PDGFD: variants seen among roughly 807,000 people sequenced by gnomAD.
PDGFD encodes platelet-derived growth factor D.
Under a neutral mutation model 44.7 loss-of-function variants are expected in PDGFD, and 30 were observed. The observed-to-expected ratio is 0.67, with a 90% CI of 0.50 to 0.91. The LOEUF (loss-of-function observed/expected upper bound fraction) is 0.91, where lower values mean the gene tolerates loss of function less well. Ranked by LOEUF, PDGFD falls within the 40% of genes least tolerant of loss-of-function variation. The pLI is 0.00. For missense variants in PDGFD, 445 were observed against 457.8 expected, an observed-to-expected ratio of 0.97 and a Z score of 0.25; for synonymous variants, 173 against 168.4, an observed-to-expected ratio of 1.03 and a Z score of -0.21.
chr11:104,036,780 C>A, intron 1 of PDGFD: 2 of 1,514,258 alleles, frequency 1.3e-6, no homozygotes, highest in African/African-American at 1.4e-5. Flanking sequence ...CGCCAGTGAG[C>A]CGCCCATGCC....
chr11:103,963,713 A>G (rs1858974652), intron 3 of PDGFD, among the ~76,000 whole-genome samples: 1 of 152,196 alleles, frequency 6.6e-6, no homozygotes, highest in Admixed American at 6.5e-5. Flanking sequence ...TGTTTTATTT[A>G]ATATAGTCTT....
chr11:104,019,318 T>C (rs1198967436), intron 1 of PDGFD, among the ~76,000 whole-genome samples: 10 of 151,864 alleles, frequency 6.6e-5, no homozygotes, highest in Admixed American at 5.9e-4. Context: ...ATAAAATGCA[T>C]TCTTTGGGTC....
Position 104,163,999 on chromosome 11 carries a change from C to A in PDGFD, c.-72G>T. ...TTCTGCTCCCGGGACCGACGCCGCG[C>A]CGCCCTGCGCTCTCGCCGCCTGCGC... On this transcript the variant is annotated 5_prime_UTR_variant, in exon 1 of 7. Coordinates refer to ENST00000393158, the MANE Select transcript of PDGFD (RefSeq NM_025208.5). 7.0e-7 allele frequency: 1 copy of A among 1,437,322 alleles called. No individual in the cohort carries two copies. 89.0% of individuals were successfully genotyped at this position (1,437,322 alleles called of 1,614,324 possible).
intron 5 of PDGFD, among the ~76,000 whole-genome samples, chr11:103,931,085 A>T (rs1270226328): frequency 2.0e-5 from 3 of 152,304 alleles, no homozygotes; most frequent in African/African-American, 7.2e-5. Flanking sequence ...TTTCTGTAGG[A>T]CAGATAAAAC....
intron 3 of PDGFD, among the ~76,000 whole-genome samples, chr11:103,957,846 C>T (rs1858880447): frequency 6.6e-6 from 1 of 152,094 alleles, no homozygotes. Context: ...CAGAAAGTTG[C>T]AAATTGCAAA....
At chr11:104,037,644 G>A in intron 1 of PDGFD, 1 of 1,614,176 alleles carries the variant, frequency 6.2e-7, no homozygotes. Context: ...CTTGTGCCGA[G>A]CGATGTAACA....
At chr11:104,123,235 T>C (rs1439564406) in intron 1 of PDGFD, among the ~76,000 whole-genome samples, 1 of 152,108 alleles carries the variant, frequency 6.6e-6, no homozygotes, top group Non-Finnish European at 1.5e-5. Flanking sequence ...AGTTATTTGA[T>C]AATTGGGAAG....
intron 6 of PDGFD, among the ~76,000 whole-genome samples, chr11:103,912,495 G>A (rs1465122625): frequency 6.6e-6 from 1 of 152,190 alleles, no homozygotes; most frequent in Non-Finnish European, 1.5e-5. Flanking sequence ...AACATGGAAA[G>A]GAACAACTGG....
chr11:103,984,852 TAATAC>T (rs1021908333), intron 3 of PDGFD, among the ~76,000 whole-genome samples: 5 of 142,918 alleles, frequency 3.5e-5, no homozygotes, highest in African/African-American at 1.0e-4. Flanking sequence ...ATTTAATATA[TAATAC>T]ATTAATTTAT....
chr11:104,110,825 T>C (rs1031631329), intron 1 of PDGFD, among the ~76,000 whole-genome samples: 1 of 152,102 alleles, frequency 6.6e-6, no homozygotes, highest in African/African-American at 2.4e-5. Flanking sequence ...AAGGAGATTA[T>C]AAGAGTTCTA....
chr11:104,121,674 T>C (rs1403005583), intron 1 of PDGFD, among the ~76,000 whole-genome samples: 3 of 152,092 alleles, frequency 2.0e-5, no homozygotes, highest in Admixed American at 6.6e-5. Context: ...GTGTACACAC[T>C]CTCAATTTCT....
chr11:103,986,928 C>G (rs531659732), intron 3 of PDGFD, among the ~76,000 whole-genome samples: 2 of 152,286 alleles, frequency 1.3e-5, no homozygotes, highest in Non-Finnish European at 1.5e-5. Context: ...GATGGATCAG[C>G]TGGCACCACT....
At chr11:104,054,803 G>A (rs1423752757) in intron 1 of PDGFD, among the ~76,000 whole-genome samples, 1 of 152,186 alleles carries the variant, frequency 6.6e-6, no homozygotes, top group Non-Finnish European at 1.5e-5. Context: ...ACTTGTAAAA[G>A]GAAACAGGCT....
chr11:104,028,790 T>C (rs1220791702), intron 1 of PDGFD, among the ~76,000 whole-genome samples: 1 of 149,918 alleles, frequency 6.7e-6, no homozygotes, highest in Non-Finnish European at 1.5e-5. Flanking sequence ...AAAAAAAAAA[T>C]GCAGAAAAAT....
At chr11:104,100,820 C>T (rs1861366222) in intron 1 of PDGFD, among the ~76,000 whole-genome samples, 1 of 152,106 alleles carries the variant, frequency 6.6e-6, no homozygotes, top group African/African-American at 2.4e-5. Context: ...TAAACATTAC[C>T]CAGCATATAA....
Position 103,909,698 on chromosome 11 carries a change from C to G in PDGFD, c.1109G>C (p.Arg370Pro), listed in dbSNP as rs766800369. The change falls in exon 7 of 7, where the codon CGA (arginine) becomes CCA (proline). Residue 370 changes from arginine (R) to proline (P), a missense_variant. Arg to Pro is a moderately radical substitution (Grantham distance 103, BLOSUM62 -2). Transcript: ENST00000393158. ...CDCICSSRPP[R>P] ...TGTAAGGATGTGCACATTCTCTTAT[C>G]GAGGTGGTCTTGAGCTGCAGATACA... The G allele has an allele frequency of 1.2e-6, 2 of 1,613,908 alleles. No individual in the cohort carries two copies. The highest frequency in any genetic ancestry group is 2.7e-5 in the African/African-American group (2 of 74,912).
rs139022612 is a variant in PDGFD at position 103,923,585 on chromosome 11, A to G, written c.987+3327T>C. On this transcript the variant is annotated intron_variant, in intron 6 of 6. Coordinates refer to ENST00000393158, the MANE Select transcript of PDGFD (RefSeq NM_025208.5). ...ACTGGTTTCTCATTTCTCAGAGGTA[A>G]GAATACAGACACAGAATTCAGAATA... Among the ~76,000 whole-genome samples, 496 of 152,336 alleles carry G rather than the reference A, an allele frequency of 3.3e-3. 1 individual carries two copies. The highest frequency in any genetic ancestry group is 0.012 in the African/African-American group (481 of 41,580).
intron 6 of PDGFD, among the ~76,000 whole-genome samples, chr11:103,922,288 T>G (rs1253370292): frequency 6.6e-6 from 1 of 152,216 alleles, no homozygotes; most frequent in Non-Finnish European, 1.5e-5. Flanking sequence ...TACGTTTTTC[T>G]GGAATCCTCC....
At chr11:103,977,684 C>A (rs1027153303) in intron 3 of PDGFD, among the ~76,000 whole-genome samples, 2 of 151,940 alleles carry the variant, frequency 1.3e-5, no homozygotes, top group East Asian at 1.9e-4. Context: ...GCATATGTTT[C>A]TTTGTTTTGA....
Sources: gnomAD v4.1 joint callset for allele counts (sites outside exome capture counted in the v4.1 genomes callset) on GRCh38, gnomAD v4.1.1 for gene constraint, MANE v1.5 for transcripts, NCBI Gene and HGNC (gene_info 2026-07-23, HGNC 2026-07-21) for gene names.